PARD3B: variants seen among roughly 807,000 people sequenced by gnomAD.
PARD3B encodes the protein partitioning defective 3 homolog B.
In PARD3B, 103 loss-of-function variants were observed where a neutral mutation model predicts 130.2. The observed-to-expected ratio is 0.79, with a 90% CI of 0.67 to 0.93. PARD3B has a LOEUF of 0.93. Among genes scored for constraint, PARD3B ranks in the 40% least tolerant of loss-of-function variants. The pLI, the probability that PARD3B is intolerant of heterozygous loss-of-function variation, is 0.00. For synonymous variants in PARD3B, 583 were observed against 553.2 expected (o/e 1.05, Z -0.76); for missense variants, 1,609 against 1,499.2 (o/e 1.07, Z -1.21).
chr2:204,981,600 C>T (rs537701038), intron 3 of PARD3B, among the ~76,000 whole-genome samples: 2 of 152,318 alleles, frequency 1.3e-5, no homozygotes, highest in Admixed American at 6.5e-5. Context: ...ATCTACCAGG[C>T]ACTTTTGTAG....
chr2:205,410,337 T>C (rs2046554931), intron 19 of PARD3B, among the ~76,000 whole-genome samples: 1 of 152,176 alleles, frequency 6.6e-6, no homozygotes, highest in South Asian at 2.1e-4. Flanking sequence ...GCATTTTCTG[T>C]GAAAGCTTTG....
chr2:204,911,515 T>C (rs2047236354), intron 2 of PARD3B, among the ~76,000 whole-genome samples: 1 of 152,236 alleles, frequency 6.6e-6, no homozygotes, highest in Admixed American at 6.5e-5. Context: ...AAAAATTTTC[T>C]ATTGTAAATT....
intron 2 of PARD3B, among the ~76,000 whole-genome samples, chr2:204,723,111 AATAATT>A: frequency 6.6e-6 from 1 of 152,290 alleles, no homozygotes; most frequent in South Asian, 2.1e-4. Flanking sequence ...ATTTTCTCAA[AATAATT>A]ACCTTGAATT....
At chr2:205,536,838 A>G (rs1002977138) in intron 21 of PARD3B, among the ~76,000 whole-genome samples, 15 of 152,288 alleles carry the variant, frequency 9.8e-5, no homozygotes, top group African/African-American at 3.4e-4. Context: ...GATAGCCTTC[A>G]GTAGGAAGAG....
intron 1 of PARD3B, among the ~76,000 whole-genome samples, chr2:204,617,651 A>G (rs756129545): frequency 2.0e-5 from 3 of 152,046 alleles, no homozygotes; most frequent in African/African-American, 4.8e-5. Flanking sequence ...TGTACAGACA[A>G]TTTTGTCACC....
chr2:205,401,094 G>A lies in PARD3B; in HGVS notation c.2712G>A (p.Glu904=). The A allele has an allele frequency of 6.3e-7, 1 of 1,599,976 alleles. No individual in the cohort carries two copies. Among genetic ancestry groups the A allele is most frequent in the Admixed American group, 1.7e-5 (1 of 58,186 alleles). ...AACATGGTGGCCTGAGAGAAGAAGA[G>A]CTGGAGAAAATGAAAGAAGAGCGTG... ...TLKHGGLREE[E]LEKMKEERER... Residue 904 remains glutamate (E), a synonymous_variant, in exon 19 of 23, where the codon GAG becomes GAA. Transcript: ENST00000406610.
intron 2 of PARD3B, among the ~76,000 whole-genome samples, chr2:204,775,774 G>T (rs942812519): frequency 6.6e-6 from 1 of 152,130 alleles, no homozygotes; most frequent in Middle Eastern, 3.2e-3. Flanking sequence ...TTTCTGGCAG[G>T]TGCCCTCAAT....
chr2:204,973,709 A>T (rs1055619667), intron 3 of PARD3B, among the ~76,000 whole-genome samples: 1 of 152,218 alleles, frequency 6.6e-6, no homozygotes, highest in East Asian at 1.9e-4. Flanking sequence ...CTTATGATGA[A>T]TTATGCCCCA....
At chr2:205,390,814 A>G (rs1226331852) in intron 18 of PARD3B, among the ~76,000 whole-genome samples, 2 of 152,262 alleles carry the variant, frequency 1.3e-5, no homozygotes, top group African/African-American at 2.4e-5. Context: ...ATCATGGAAT[A>G]TATACAAATT....
intron 21 of PARD3B, among the ~76,000 whole-genome samples, chr2:205,551,509 G>A (rs867853275): frequency 8.6e-5 from 13 of 152,024 alleles, no homozygotes; most frequent in African/African-American, 2.7e-4. Context: ...CCCTACCTAC[G>A]TAGTAGCTCA....
In PARD3B at chr2:204,673,764, A is replaced by T. The variant is rs2036412470; in HGVS notation, c.121-12417A>T. Among the ~76,000 whole-genome samples the T allele has an allele frequency of 6.6e-6, 1 of 152,162 alleles. No individual in the cohort carries two copies. The highest frequency in any genetic ancestry group is 2.4e-5 in the African/African-American group (1 of 41,428). On this transcript the variant is annotated intron_variant, in intron 1 of 22. Coordinates refer to ENST00000406610, the MANE Select transcript of PARD3B (RefSeq NM_001302769.2). This position sits in a 1 kb window ranked among gnomAD's most constrained non-coding sequence, Gnocchi z 4.7. Reference sequence around the variant, plus strand: ...TTACTAACATATCATTAATTCACGTATGTATTTTGTTTGTTAATTATTGTC... The same window carrying T: ...TTACTAACATATCATTAATTCACGTTTGTATTTTGTTTGTTAATTATTGTC...
At chr2:205,066,669 G>A (rs550105140) in intron 4 of PARD3B, among the ~76,000 whole-genome samples, 1 of 152,228 alleles carries the variant, frequency 6.6e-6, no homozygotes, top group South Asian at 2.1e-4. Context: ...ATAAACTGGT[G>A]TAACACATTT....
At position 205,121,956 on chromosome 2, in the gene PARD3B, A is replaced by G. The variant is rs376438619; in HGVS notation, c.1165+7A>G. 6.3e-6 allele frequency: 10 copies of G among 1,585,014 alleles called. No homozygotes were observed. Among genetic ancestry groups the G allele is most frequent in the Admixed American group, 1.7e-5 (1 of 58,796 alleles). On this transcript the variant is annotated splice_region_variant and intron_variant, in intron 8 of 22. Coordinates refer to ENST00000406610, the MANE Select transcript of PARD3B (RefSeq NM_001302769.2). This position sits in a 1 kb window ranked among gnomAD's most constrained non-coding sequence, Gnocchi z 5.0. ...AAGATTGACCTAAAGAAAGGTAATT[A>G]TTAAATTATGCCTAATAGCATTCTA...
intron 1 of PARD3B, among the ~76,000 whole-genome samples, chr2:204,683,211 G>A (rs569597036): frequency 1.3e-4 from 20 of 152,164 alleles, no homozygotes; most frequent in African/African-American, 4.8e-4. Flanking sequence ...ATAAGACATT[G>A]CATAGCAAAA....
chr2:205,036,891 A>T (rs1420820607), intron 3 of PARD3B, among the ~76,000 whole-genome samples: 3 of 151,564 alleles, frequency 2.0e-5, no homozygotes, highest in Non-Finnish European at 4.4e-5. Flanking sequence ...CGGACTGTAT[A>T]TATAAAGAAC....
chr2:205,188,550 GA>G (rs2036219324), intron 14 of PARD3B, among the ~76,000 whole-genome samples: 1 of 152,180 alleles, frequency 6.6e-6, no homozygotes, highest in Admixed American at 6.5e-5. Flanking sequence ...GGAGGGATCA[GA>G]AGCATGGGTG....
Position 205,288,711 on chromosome 2 carries a change from G to A in PARD3B, c.2186-11819G>A, listed in dbSNP as rs1030804661. Among the ~76,000 whole-genome samples, 3 of 152,092 alleles carry A rather than the reference G, an allele frequency of 2.0e-5. No homozygotes were observed. The highest frequency in any genetic ancestry group is 1.9e-4 in the East Asian group (1 of 5,186). ...CCGGTGTCCCCACCCCCCAGGAGAC[G>A]TGTTTGGACTTTTCCTCATGCCTTT... On this transcript the variant is annotated intron_variant, in intron 16 of 22. Transcript: ENST00000406610. This position sits in a 1 kb window ranked among gnomAD's most constrained non-coding sequence, Gnocchi z 4.0.
chr2:204,715,500 C>G (rs202230248), intron 2 of PARD3B, among the ~76,000 whole-genome samples: 3 of 80,412 alleles, frequency 3.7e-5, no homozygotes, highest in Admixed American at 1.3e-4. Context: ...TTTTTTTTTT[C>G]TGCTGCTGTT....
At chr2:205,026,555 CT>C (rs1697045453) in intron 3 of PARD3B, among the ~76,000 whole-genome samples, 1 of 152,014 alleles carries the variant, frequency 6.6e-6, no homozygotes, top group African/African-American at 2.4e-5. Flanking sequence ...ACTTAAAAAT[CT>C]TCTGTCATCA....
Sources: allele counts gnomAD v4.1 joint callset (sites outside exome capture counted in the v4.1 genomes callset), GRCh38; gene constraint gnomAD v4.1.1; non-coding constraint Gnocchi (gnomAD v3.1); transcripts MANE v1.5; gene names NCBI Gene and HGNC (gene_info 2026-07-23, HGNC 2026-07-21).